NR3C2: variants seen among roughly 807,000 people sequenced by gnomAD.
NR3C2 encodes mineralocorticoid receptor.
A neutral mutation model predicts 86.4 loss-of-function variants in NR3C2; 15 were observed. That is an observed-to-expected ratio of 0.17 (90% CI 0.12 to 0.27). The LOEUF (loss-of-function observed/expected upper bound fraction) is 0.27. NR3C2 is among the 10% of genes least tolerant of loss of function. The pLI is 1.00. For synonymous variants in NR3C2, 458 were observed against 450.5 expected, an observed-to-expected ratio of 1.02 and a Z score of -0.21; for missense variants, 960 against 1,195.6, an observed-to-expected ratio of 0.80 and a Z score of 2.91.
intron 6 of NR3C2, among the ~76,000 whole-genome samples, chr4:148,141,432 T>TCTCC (rs1297456468): frequency 7.4e-6 from 1 of 135,320 alleles, no homozygotes; most frequent in Admixed American, 7.8e-5. Flanking sequence ...TCTCTCTCTC[T>TCTCC]CTCTCCCTCT....
intron 4 of NR3C2, among the ~76,000 whole-genome samples, chr4:148,188,056 T>G (rs1402220138): frequency 6.6e-6 from 1 of 152,218 alleles, no homozygotes; most frequent in Non-Finnish European, 1.5e-5. Context: ...GGTTCTCTAC[T>G]ACGTTCCAAT....
At position 148,435,418 on chromosome 4, in the gene NR3C2, A is replaced by G. The variant is rs1054157771; in HGVS notation, c.1443T>C (p.Asp481=). 5.0e-6 allele frequency: 8 copies of G among 1,614,188 alleles called. No individual in the cohort carries two copies. The highest frequency in any genetic ancestry group is 3.3e-5 in the Admixed American group (2 of 60,024). The change falls in exon 2 of 9, where the codon GAT becomes GAC. Residue 481 remains aspartate (D), a synonymous_variant. Coordinates refer to ENST00000358102, the MANE Select transcript of NR3C2 (RefSeq NM_000901.5). The part of the protein sequence containing the change: ...GILGPPVPGF[D]GNCEGSGFPV... Reference sequence around the variant, plus strand: ...GGAATCCGCTGCCTTCACAGTTACCATCAAAGCCGGGCACAGGTGGTCCTA... The same window carrying G: ...GGAATCCGCTGCCTTCACAGTTACCGTCAAAGCCGGGCACAGGTGGTCCTA...
At chr4:148,302,935 T>A (rs1160540105) in intron 2 of NR3C2, among the ~76,000 whole-genome samples, 1 of 151,770 alleles carries the variant, frequency 6.6e-6, no homozygotes, top group East Asian at 1.9e-4. Flanking sequence ...GTTTACCCAA[T>A]TCACAGGTAT....
At chr4:148,163,066 T>C in intron 4 of NR3C2, among the ~76,000 whole-genome samples, 1 of 152,206 alleles carries the variant, frequency 6.6e-6, no homozygotes, top group Admixed American at 6.5e-5. Flanking sequence ...TATTTTCTAT[T>C]TCCACTGAGG....
chr4:148,436,407 A>T lies in NR3C2; in HGVS notation c.454T>A (p.Ser152Thr). ...GGCGTGTTCACACAACTTAGAGTGG[A>T]AGGACGATGGCCATTTCCTTTGTAA... ...KFYKGNGHRP[S>T]TLSCVNTPLR... The change falls in exon 2 of 9, where the codon TCC (serine) becomes ACC (threonine). Residue 152 changes from serine (S) to threonine (T), a missense_variant. Physicochemically the swap from Ser to Thr is moderately conservative, Grantham distance 58 (BLOSUM62 1). Around this residue, in one of 4 missense-constraint regions of NR3C2, gnomAD observed 680 missense variants for 719.0 expected, o/e 0.95. Transcript: ENST00000358102. 1 of 1,614,224 alleles carries T rather than the reference A, an allele frequency of 6.2e-7. No homozygotes were observed. The highest frequency in any genetic ancestry group is 8.5e-7 in the Non-Finnish European group (1 of 1,180,038).
At chr4:148,437,577 A>G (rs2070948) in intron 1 of NR3C2, among the ~76,000 whole-genome samples, 1 of 152,010 alleles carries the variant, frequency 6.6e-6, no homozygotes, top group South Asian at 2.1e-4. Context: ...TTCAGGAATG[A>G]CTGGTGTCTT....
intron 2 of NR3C2, among the ~76,000 whole-genome samples, chr4:148,378,924 G>T (rs1206927473): frequency 6.6e-6 from 1 of 152,078 alleles, no homozygotes; most frequent in Admixed American, 6.6e-5. Context: ...TTCATCGAAA[G>T]AAACAAAATT....
chr4:148,145,097 T>C (rs1042811072), intron 6 of NR3C2, among the ~76,000 whole-genome samples: 3 of 152,122 alleles, frequency 2.0e-5, no homozygotes, highest in Admixed American at 6.5e-5. Flanking sequence ...AGTCTCCTAA[T>C]AGATAGAAAA....
chr4:148,237,090 T>C (rs1425976402), intron 3 of NR3C2, among the ~76,000 whole-genome samples: 2 of 152,210 alleles, frequency 1.3e-5, no homozygotes, highest in African/African-American at 2.4e-5. Context: ...CACTGAACTA[T>C]GAACTTTAAT....
intron 2 of NR3C2, among the ~76,000 whole-genome samples, chr4:148,262,145 A>G (rs1740154947): frequency 2.0e-5 from 3 of 152,232 alleles, no homozygotes; most frequent in African/African-American, 4.8e-5. Flanking sequence ...TTTTGTAAAT[A>G]TTTAGAATAT....
chr4:148,440,095 T>C (rs1163758777), intron 1 of NR3C2, among the ~76,000 whole-genome samples: 4 of 152,242 alleles, frequency 2.6e-5, no homozygotes, highest in Non-Finnish European at 5.9e-5. Context: ...ACCAACCTAA[T>C]GCACCTCTCA....
chr4:148,177,455 T>C (rs1735429872), intron 4 of NR3C2, among the ~76,000 whole-genome samples: 1 of 152,150 alleles, frequency 6.6e-6, no homozygotes, highest in Non-Finnish European at 1.5e-5. Flanking sequence ...TATTGTAACA[T>C]AAACAGCTTC....
At chr4:148,092,368 C>T (rs1394023385) in intron 8 of NR3C2, among the ~76,000 whole-genome samples, 1 of 152,262 alleles carries the variant, frequency 6.6e-6, no homozygotes, top group African/African-American at 2.4e-5. Flanking sequence ...CCTTAAACAG[C>T]GGCCTGCAAG....
intron 8 of NR3C2, among the ~76,000 whole-genome samples, chr4:148,108,349 C>T (rs534873857): frequency 2.0e-5 from 3 of 152,290 alleles, no homozygotes; most frequent in Admixed American, 6.5e-5. Flanking sequence ...GTGATCTGCC[C>T]ACCTCCACCT....
intron 2 of NR3C2, among the ~76,000 whole-genome samples, chr4:148,383,489 T>A (rs1433511969): frequency 6.6e-6 from 1 of 152,208 alleles, no homozygotes; most frequent in Non-Finnish European, 1.5e-5. Flanking sequence ...AAATCAAACA[T>A]GATACCTTTG....
At chr4:148,335,895 A>G (rs1229760785) in intron 2 of NR3C2, among the ~76,000 whole-genome samples, 1 of 152,226 alleles carries the variant, frequency 6.6e-6, no homozygotes, top group African/African-American at 2.4e-5. Flanking sequence ...AACAGTTGTC[A>G]GAGAAAATGG....
intron 2 of NR3C2, among the ~76,000 whole-genome samples, chr4:148,299,466 C>A (rs1180590918): frequency 2.0e-5 from 3 of 152,160 alleles, no homozygotes; most frequent in East Asian, 3.9e-4. Flanking sequence ...ACCACCTCAC[C>A]CAACAGCCAC....
rs552665133 is a variant in NR3C2 at position 148,260,106 on chromosome 4, C to A, written c.1769G>T (p.Arg590Leu). Residue 590 changes from arginine to leucine, a missense_variant, in exon 3 of 9, where the codon CGA (arginine) becomes CTA (leucine). By Grantham distance (102) the Arg-to-Leu change is moderately radical. Around this residue, in one of 4 missense-constraint regions of NR3C2, gnomAD observed 680 missense variants for 719.0 expected, o/e 0.95. Transcript: ENST00000358102. ...TCTTGAAGATCCAGTAGAAACACTT[C>A]GTAAAGTAGAGCTGGGGAAAGAAAT... is the stretch of plus-strand genomic sequence containing the variant. ...IPENVSSSTL[R>L]SVSTGSSRPS... 1 of 1,613,946 alleles carries A rather than the reference C, an allele frequency of 6.2e-7. No homozygotes were observed. The highest frequency in any genetic ancestry group is 8.5e-7 in the Non-Finnish European group (1 of 1,179,966).
rs1372003936 is a variant in NR3C2 at position 148,121,483 on chromosome 4, TAACAGTATA to T, written c.2511-1204_2511-1196del. ...AGCTTCCAAATCTACCATCCAGAAT[TAACAGTATA>T]AACAAATGCTACTATTTTTGCAATA... On this transcript the variant is annotated intron_variant, in intron 6 of 8. Transcript: ENST00000358102. 5.3e-5 allele frequency among the ~76,000 whole-genome samples: 8 copies of T among 152,310 alleles called. No individual in the cohort carries two copies. The East Asian group carries it at 1.4e-3, about 26-fold the overall frequency.
Sources: allele counts gnomAD v4.1 joint callset (sites outside exome capture counted in the v4.1 genomes callset), GRCh38; gene constraint gnomAD v4.1.1; regional missense constraint gnomAD v4.1.1; transcripts MANE v1.5; gene names NCBI Gene and HGNC (gene_info 2026-07-23, HGNC 2026-07-21).